Variants in DRD4 observed in about 807,000 individuals in gnomAD.
DRD4 encodes D(4) dopamine receptor.
In DRD4, 26 loss-of-function variants were observed where a neutral mutation model predicts 22.1. The ratio of observed to expected loss-of-function variants is 1.17; its 90% confidence interval spans 0.86 to 1.63. The LOEUF is 1.63. Among genes scored for constraint, DRD4 ranks in the 40% most tolerant of loss-of-function variants. The pLI, the probability that DRD4 is intolerant of heterozygous loss-of-function variation, is 0.00. For missense variants in DRD4, 913 were observed against 632.4 expected (o/e 1.44, Z -4.76); for synonymous variants, 455 against 306.7 (o/e 1.48, Z -5.05).
At position 640,396 on chromosome 11, in the gene DRD4, C is replaced by T. The variant is rs757652339; in HGVS notation, c.1058-5C>T. On this transcript the variant is annotated splice_region_variant and splice_polypyrimidine_tract_variant and intron_variant, in intron 3 of 3. Transcript: ENST00000176183. ...GGGCGCTAACGCGGCTCTCGGCGCC[C>T]CCAGGGGCCTTCCTGCTGTGCTGGA... 4.4e-6 allele frequency: 7 copies of T among 1,598,350 alleles called. No individual in the cohort carries two copies. In the Admixed American group the frequency reaches 1.0e-4, roughly 23 times the overall value.
chr11:638,526 C>T (rs981023423), intron 1 of DRD4, among the ~76,000 whole-genome samples: 6 of 152,166 alleles, frequency 3.9e-5, no homozygotes, highest in Admixed American at 2.0e-4. Context: ...CTACGCTGGG[C>T]ACTGGGCACG....
chr11:640,456 G>T lies in DRD4; in HGVS notation c.1113G>T (p.Leu371=). 1 of 1,602,014 alleles carries T rather than the reference G, an allele frequency of 6.2e-7. No homozygotes were observed. The highest frequency in any genetic ancestry group is 8.5e-7 in the Non-Finnish European group (1 of 1,179,788). The change falls in exon 4 of 4, where the codon CTG becomes CTT. Residue 371 remains leucine, a synonymous_variant. Transcript: ENST00000176183. ...PFFVVHITQA[L]CPACSVPPRL... is the part of the protein sequence containing the mutation. ...TCGTGGTGCACATCACGCAGGCGCTGTGTCCTGCCTGCTCCGTGCCCCCGC... is the reference window on the plus strand; with the variant it reads ...TCGTGGTGCACATCACGCAGGCGCTTTGTCCTGCCTGCTCCGTGCCCCCGC...
At position 640,267 on chromosome 11, in the gene DRD4, C is replaced by A; in HGVS notation, c.1018C>A (p.Arg340=). The stretch of plus-strand genomic sequence containing the variant: ...GAGGCGGCGTGCCAAGATCACCGGC[C>A]GGGAGCGCAAGGCCATGAGGGTCCT... ...RRRRRAKITG[R]ERKAMRVLPV... The change falls in exon 3 of 4, where the codon CGG becomes AGG. Residue 340 remains arginine (R), a synonymous_variant. Transcript: ENST00000176183. The A allele has an allele frequency of 6.5e-7, 1 of 1,533,250 alleles. No homozygotes were observed. Among genetic ancestry groups the A allele is most frequent in the Non-Finnish European group, 8.7e-7 (1 of 1,146,496 alleles). The allele number at this position is 1,533,250 out of a possible 1,614,324, so 95.0% of individuals were successfully genotyped here. A position where few individuals can be genotyped will look rare whatever the true frequency, so the allele number is the denominator to read the frequency against.
chr11:640,328 CGGGGAGGAGAGGAGGGGG>C (rs1858202661), intron 3 of DRD4, 22 bp downstream of exon 3: 1 of 1,094,310 alleles, frequency 9.1e-7, no homozygotes, highest in Non-Finnish European at 1.3e-6. Context: ...TCCTGAGGGG[CGGGGAGGAGAGGAGGGGG>C]GGGGTACGAG....
chr11:640,175 A>G lies in DRD4; in HGVS notation c.926A>G (p.Asn309Ser), dbSNP rs1439869312. The G allele has an allele frequency of 4.6e-6, 7 of 1,528,624 alleles. No homozygotes were observed. 94.7% of individuals were successfully genotyped at this position (1,528,624 alleles called of 1,614,324 possible). A position where few individuals can be genotyped will look rare whatever the true frequency, so the allele number is the denominator to read the frequency against. ...PGLPPDPCGS[N>S]CAPPDAVRAA... ...CTCCCCCCGGACCCCTGCGGCTCCA[A>G]CTGTGCTCCCCCCGACGCCGTCAGA... is the stretch of plus-strand genomic sequence containing the variant. Residue 309 changes from asparagine to serine, a missense_variant, in exon 3 of 4, where the codon AAC becomes AGC. Transcript: ENST00000176183.
chr11:637,912 T>C (rs1296115935), intron 1 of DRD4, among the ~76,000 whole-genome samples: 1 of 152,188 alleles, frequency 6.6e-6, no homozygotes, highest in Non-Finnish European at 1.5e-5. Flanking sequence ...GTCCCCTCCG[T>C]AGCTGGATTT....
intron 3 of DRD4, 34 bp from the exon 4 acceptor site, chr11:640,343 GGGGGGGGTACGAGGCCGGCTGGGC>G: frequency 6.4e-7 from 1 of 1,551,114 alleles, no homozygotes; most frequent in Non-Finnish European, 8.7e-7. Context: ...AGGAGAGGAG[GGGGGGGGTACGAGGCCGGCTGGGC>G]GGGGGGCGCT....
chr11:640,306 G>C lies in DRD4; in HGVS notation c.1057G>C (p.Gly353Arg). The change falls in exon 3 of 4, where the codon GGG becomes CGG. Residue 353 changes from glycine (G) to arginine (R), a missense_variant and splice_region_variant. By Grantham distance (125) the Gly-to-Arg change is moderately radical (BLOSUM62 -2). Transcript: ENST00000176183. ...KAMRVLPVVV[G>R]AFLLCWTPFF... Reference sequence around the variant, plus strand: ...CATGAGGGTCCTGCCGGTGGTGGTCGGTGGGTTCCTGTCCTGAGGGGCGGG... The same window carrying C: ...CATGAGGGTCCTGCCGGTGGTGGTCCGTGGGTTCCTGTCCTGAGGGGCGGG... 6 of 1,538,492 alleles carry C rather than the reference G, an allele frequency of 3.9e-6. No individual in the cohort carries two copies. The highest frequency in any genetic ancestry group is 3.6e-5 in the South Asian group (3 of 84,466).
In DRD4 at chr11:640,706, A is replaced by C; in HGVS notation, c.*103A>C. 4 of 1,388,598 alleles carry C rather than the reference A, an allele frequency of 2.9e-6. No homozygotes were observed. Among genetic ancestry groups the C allele is most frequent in the African/African-American group, 1.4e-5 (1 of 69,944 alleles). 86.0% of individuals were successfully genotyped at this position (1,388,598 alleles called of 1,614,324 possible). A position where few individuals can be genotyped will look rare whatever the true frequency, so the allele number is the denominator to read the frequency against. On this transcript the variant is annotated 3_prime_UTR_variant, in exon 4 of 4. Transcript: ENST00000176183. ...GTTAATTAAACAAATTCCTTCCCAA[A>C]CTCAGCTGTGAAGGCTCCTGGGGGC... is the stretch of plus-strand genomic sequence containing the variant.
At chr11:638,454 G>C (rs903838976) in intron 1 of DRD4, among the ~76,000 whole-genome samples, 13 of 152,170 alleles carry the variant, frequency 8.5e-5, no homozygotes, top group Non-Finnish European at 2.9e-5. Context: ...CCAAATCGGC[G>C]GGAAGGATTA....
intron 1 of DRD4, 35 bp from the exon 2 acceptor site, chr11:639,398 T>C (rs1242411189): frequency 1.9e-6 from 3 of 1,553,968 alleles, no homozygotes; most frequent in South Asian, 2.3e-5. Context: ...CCGCGGTGGC[T>C]GGGAAACCTC....
At chr11:637,653 C>G (rs751211711) in intron 1 of DRD4, 64 bp downstream of exon 1, 517 of 1,533,768 alleles carry the variant, frequency 3.4e-4, no homozygotes, top group Non-Finnish European at 4.4e-4. Flanking sequence ...CCTGTCCCTA[C>G]GGAGGACCCG....
In DRD4 at chr11:639,867, G is replaced by A. The variant is rs773372599; in HGVS notation, c.618G>A (p.Pro206=). 7 of 1,584,696 alleles carry A rather than the reference G, an allele frequency of 4.4e-6. No individual in the cohort carries two copies. The highest frequency in any genetic ancestry group is 1.7e-5 in the Admixed American group (1 of 58,876). Residue 206 remains proline, a synonymous_variant, in exon 3 of 4, where the codon CCG becomes CCA. Transcript: ENST00000176183. Reference sequence around the variant, plus strand: ...TGTGCTCCTTCTTCCTACCCTGCCCGCTCATGCTGCTGCTCTACTGGGCCA... The same window carrying A: ...TGTGCTCCTTCTTCCTACCCTGCCCACTCATGCTGCTGCTCTACTGGGCCA... ...SSVCSFFLPC[P]LMLLLYWATF...
At position 639,732 on chromosome 11, in the gene DRD4, G is replaced by T; in HGVS notation, c.483G>T (p.Leu161=). 1 of 1,522,446 alleles carries T rather than the reference G, an allele frequency of 6.6e-7. No individual in the cohort carries two copies. Among genetic ancestry groups the T allele is most frequent in the Admixed American group, 2.0e-5 (1 of 50,340 alleles). The allele number at this position is 1,522,446 out of a possible 1,614,324, so 94.3% of individuals were successfully genotyped here. ...RQLLLIGATW[L]LSAAVAAPVL... ...TGCTGCTCATCGGCGCCACGTGGCT[G>T]CTGTCCGCGGCGGTGGCGGCGCCCG... Residue 161 remains leucine, a synonymous_variant, in exon 3 of 4, where the codon CTG becomes CTT. Coordinates refer to ENST00000176183, the MANE Select transcript of DRD4 (RefSeq NM_000797.4).
In DRD4 at chr11:640,295, C is replaced by T. The variant is rs970549690; in HGVS notation, c.1046C>T (p.Pro349Leu). 2.6e-6 allele frequency: 4 copies of T among 1,525,202 alleles called. No homozygotes were observed. Among genetic ancestry groups the T allele is most frequent in the Non-Finnish European group, 3.5e-6 (4 of 1,141,378 alleles). The allele number at this position is 1,525,202 out of a possible 1,614,324, so 94.5% of individuals were successfully genotyped here. ...GAGCGCAAGGCCATGAGGGTCCTGC[C>T]GGTGGTGGTCGGTGGGTTCCTGTCC... ...GRERKAMRVL[P>L]VVVGAFLLCW... The change falls in exon 3 of 4, where the codon CCG (proline) becomes CTG (leucine). Residue 349 changes from proline to leucine, a missense_variant. Pro to Leu is a moderately conservative substitution (Grantham distance 98). Coordinates refer to ENST00000176183, the MANE Select transcript of DRD4 (RefSeq NM_000797.4).
At chr11:637,640 G>A (rs569797335) in intron 1 of DRD4, 51 bp downstream of exon 1, 12 of 1,535,618 alleles carry the variant, frequency 7.8e-6, no homozygotes, top group Admixed American at 2.0e-5. Context: ...TCGGTTCCCC[G>A]TCCCTGTCCC....
rs901884594 is a variant in DRD4, at chr11:637,325, G to A, written c.21G>A (p.Ala7=). 50 of 1,251,392 alleles carry A rather than the reference G, an allele frequency of 4.0e-5. 1 individual carries two copies. In the Middle Eastern group the frequency reaches 1.2e-3, roughly 31 times the overall value. 77.5% of individuals were successfully genotyped at this position (1,251,392 alleles called of 1,614,324 possible). The change falls in exon 1 of 4, where the codon GCG becomes GCA. Residue 7 remains alanine, a synonymous_variant. Transcript: ENST00000176183. The part of the protein sequence containing the change: MGNRST[A]DADGLLAGRG... ...GCGCCATGGGGAACCGCAGCACCGC[G>A]GACGCGGACGGGCTGCTGGCTGGGC...
Position 640,640 on chromosome 11 carries a change from A to C in DRD4, c.*37A>C. On this transcript the variant is annotated 3_prime_UTR_variant, in exon 4 of 4. Coordinates refer to ENST00000176183, the MANE Select transcript of DRD4 (RefSeq NM_000797.4). ...CCGGACGCCCCCCGGCCTGATGGCC[A>C]GGCCTCAGGGACCAAGGAGATGGGG... 1.3e-6 allele frequency: 2 copies of C among 1,595,752 alleles called. No homozygotes were observed. The highest frequency in any genetic ancestry group is 1.7e-6 in the Non-Finnish European group (2 of 1,177,010).
At chr11:639,006 C>G (rs1858134349) in intron 1 of DRD4, 2 of 181,102 alleles carry the variant, frequency 1.1e-5, no homozygotes, top group South Asian at 1.8e-4. Context: ...TCGCTTAAAC[C>G]TGGGAGGCGG....
Sources: gnomAD v4.1 joint callset for allele counts (sites outside exome capture counted in the v4.1 genomes callset) on GRCh38, gnomAD v4.1.1 for gene constraint, MANE v1.5 for transcripts, NCBI Gene and HGNC (gene_info 2026-07-23, HGNC 2026-07-21) for gene names.